Variants in GRID2 observed in about 807,000 individuals in gnomAD.
GRID2 encodes glutamate receptor ionotropic, delta-2.
GRID2 carries 33 observed loss-of-function variants against 114.8 expected under a neutral mutation model. The observed-to-expected ratio is 0.29, with a 90% confidence interval of 0.22 to 0.38. GRID2 has a LOEUF of 0.38. Ranked by LOEUF, GRID2 falls within the 10% of genes least tolerant of loss-of-function variation. The pLI is 1.00. For missense variants in GRID2, 1,184 were observed against 1,257.7 expected, an observed-to-expected ratio of 0.94 and a Z score of 0.89; for synonymous variants, 505 against 449.9, an observed-to-expected ratio of 1.12 and a Z score of -1.55.
intron 13 of GRID2, among the ~76,000 whole-genome samples, chr4:93,543,460 T>C (rs1206848023): frequency 6.6e-6 from 1 of 152,178 alleles, no homozygotes; most frequent in Non-Finnish European, 1.5e-5. Flanking sequence ...CACAAAGCCC[T>C]GAGGAAACAA....
At chr4:93,787,136 A>C (rs776787095) in intron 1 of GRID2, among the ~76,000 whole-genome samples, 3 of 151,688 alleles carry the variant, frequency 2.0e-5, no homozygotes, top group Non-Finnish European at 4.4e-5. Context: ...TTGGCAGATG[A>C]GGTAAAGAGA....
intron 1 of GRID2, among the ~76,000 whole-genome samples, chr4:92,396,646 T>C (rs2110271198): frequency 6.6e-6 from 1 of 152,136 alleles, no homozygotes; most frequent in East Asian, 1.9e-4. Flanking sequence ...AGCATGTAAA[T>C]GCCAACAGGT....
chr4:93,012,122 G>A (rs1358848337), intron 2 of GRID2, among the ~76,000 whole-genome samples: 4 of 148,464 alleles, frequency 2.7e-5, no homozygotes, highest in African/African-American at 9.9e-5. Flanking sequence ...ACCTGTAAGT[G>A]TACTTCAGAT....
chr4:92,619,818 A>T (rs1374511526), intron 2 of GRID2, among the ~76,000 whole-genome samples: 1 of 151,334 alleles, frequency 6.6e-6, no homozygotes, highest in Non-Finnish European at 1.5e-5. Context: ...TTCACACATG[A>T]GTTTTATTTA....
At chr4:92,769,215 A>T (rs1045078112) in intron 2 of GRID2, among the ~76,000 whole-genome samples, 8 of 152,152 alleles carry the variant, frequency 5.3e-5, no homozygotes, top group Admixed American at 2.6e-4. Flanking sequence ...CAGTGGGGCA[A>T]TCCTAAAGTG....
chr4:92,830,351 G>A (rs1379107166), intron 2 of GRID2, among the ~76,000 whole-genome samples: 1 of 146,092 alleles, frequency 6.8e-6, no homozygotes, highest in Admixed American at 6.8e-5. Context: ...ATATTTCTAT[G>A]TTCTCTAAAA....
intron 13 of GRID2, among the ~76,000 whole-genome samples, chr4:93,560,908 A>G (rs556775100): frequency 7.5e-6 from 1 of 132,748 alleles, no homozygotes; most frequent in East Asian, 2.2e-4. Context: ...AGCAATAAAT[A>G]TTTTTATTTA....
At chr4:93,179,485 T>C (rs1385969664) in intron 4 of GRID2, among the ~76,000 whole-genome samples, 1 of 152,162 alleles carries the variant, frequency 6.6e-6, no homozygotes, top group African/African-American at 2.4e-5. Context: ...TGTGGGATAA[T>C]GATGTCCAGC....
chr4:92,750,202 G>A (rs1737380523), intron 2 of GRID2, among the ~76,000 whole-genome samples: 1 of 152,076 alleles, frequency 6.6e-6, no homozygotes, highest in Non-Finnish European at 1.5e-5. Flanking sequence ...ACCAACTATA[G>A]AATGTGATGA....
chr4:92,429,649 T>A (rs1180519170), intron 1 of GRID2, among the ~76,000 whole-genome samples: 1 of 152,162 alleles, frequency 6.6e-6, no homozygotes, highest in African/African-American at 2.4e-5. Flanking sequence ...GGTAGTCTAT[T>A]TTTAGTTTTA....
chr4:92,427,320 G>GATGA (rs1457100468), intron 1 of GRID2, among the ~76,000 whole-genome samples: 7 of 152,108 alleles, frequency 4.6e-5, no homozygotes, highest in Non-Finnish European at 7.4e-5. Context: ...AATATATTTT[G>GATGA]ATGAATGAAT....
chr4:93,799,378 C>T (rs1734871836), intron 1 of GRID2, among the ~76,000 whole-genome samples: 2 of 151,908 alleles, frequency 1.3e-5, no homozygotes, highest in Admixed American at 6.6e-5. Context: ...GGAATAGATA[C>T]TCCCTAAAGT....
At chr4:93,246,930 T>C (rs1023791588) in intron 8 of GRID2, among the ~76,000 whole-genome samples, 2 of 152,216 alleles carry the variant, frequency 1.3e-5, no homozygotes, top group Non-Finnish European at 2.9e-5. Flanking sequence ...CTATCTGATT[T>C]CACTGCAGAG....
At chr4:93,229,796 G>A (rs1168381251) in intron 7 of GRID2, among the ~76,000 whole-genome samples, 3 of 151,996 alleles carry the variant, frequency 2.0e-5, no homozygotes, top group Admixed American at 2.0e-4. Context: ...GTCTAGTAAT[G>A]GGCAAGGTTT....
At chr4:93,139,833 A>G (rs1735598348) in intron 4 of GRID2, among the ~76,000 whole-genome samples, 1 of 152,104 alleles carries the variant, frequency 6.6e-6, no homozygotes, top group African/African-American at 2.4e-5. Context: ...GTACAACTCA[A>G]TTATATAATG....
At chr4:93,488,430 C>T (rs1401320504) in intron 11 of GRID2, among the ~76,000 whole-genome samples, 1 of 151,744 alleles carries the variant, frequency 6.6e-6, no homozygotes, top group East Asian at 2.0e-4. Context: ...ACTTACCCCA[C>T]GTATAAAATT....
chr4:92,327,367 T>C (rs1159609316), intron 1 of GRID2, among the ~76,000 whole-genome samples: 3 of 116,702 alleles, frequency 2.6e-5, no homozygotes, highest in Admixed American at 8.5e-5. Flanking sequence ...TCCTAGATTT[T>C]GTGTGTGTGT....
chr4:93,703,619 A>T (rs771036186), intron 14 of GRID2, among the ~76,000 whole-genome samples: 1 of 149,016 alleles, frequency 6.7e-6, no homozygotes, highest in Non-Finnish European at 1.5e-5. Flanking sequence ...AACATTAGGT[A>T]TATCTCCTAA....
At chr4:93,311,057 A>T (rs1190105315) in intron 8 of GRID2, among the ~76,000 whole-genome samples, 1 of 152,168 alleles carries the variant, frequency 6.6e-6, no homozygotes, top group African/African-American at 2.4e-5. Flanking sequence ...TATATAGATT[A>T]TCATAAAGAT....
Sources: gnomAD v4.1 joint callset for allele counts (sites outside exome capture counted in the v4.1 genomes callset) on GRCh38, gnomAD v4.1.1 for gene constraint, MANE v1.5 for transcripts, NCBI Gene and HGNC (gene_info 2026-07-23, HGNC 2026-07-21) for gene names.